FSD1L: variants seen among roughly 807,000 people sequenced by gnomAD.
The protein encoded by FSD1L is fibronectin type III and SPRY domain containing 1 like, also known as FSD1-like protein.
FSD1L carries 45 observed loss-of-function variants against 71.6 expected under a neutral mutation model. That is an observed-to-expected ratio of 0.63 (90% CI 0.49 to 0.81). The LOEUF (loss-of-function observed/expected upper bound fraction) is 0.81. Ranked by LOEUF, FSD1L falls within the 30% of genes least tolerant of loss-of-function variation. FSD1L has a pLI of 0.00. For synonymous variants in FSD1L, 197 were observed against 207.2 expected (o/e 0.95, Z 0.42); for missense variants, 561 against 618.1 (o/e 0.91, Z 0.98).
intron 10 of FSD1L, chr9:105,520,118 C>T: frequency 1.3e-6 from 2 of 1,593,028 alleles, no homozygotes; most frequent in Non-Finnish European, 1.7e-6. Flanking sequence ...GTGGCAGTGG[C>T]AGCGGCAGGA....
chr9:105,501,760 C>G (rs914769801), intron 7 of FSD1L, among the ~76,000 whole-genome samples: 3 of 152,052 alleles, frequency 2.0e-5, no homozygotes, highest in Non-Finnish European at 4.4e-5. Context: ...CATCTGTGTT[C>G]TTCTTATTGG....
At chr9:105,523,951 A>G in intron 10 of FSD1L, 1 of 1,590,722 alleles carries the variant, frequency 6.3e-7, no homozygotes, top group Non-Finnish European at 8.6e-7. Flanking sequence ...CCAAGAGTAG[A>G]AGCACAAGTT....
At position 105,529,533 on chromosome 9, in the gene FSD1L, A is replaced by G. The variant is rs182033859; in HGVS notation, c.1026-4960A>G. Among the ~76,000 whole-genome samples the G allele has an allele frequency of 6.8e-4, 103 of 152,292 alleles. 2 individuals are homozygous for G. The highest frequency in any genetic ancestry group is 1.1e-3 in the Admixed American group (17 of 15,286). ...AAACTATGACAAGAACAGAAAACCAAACGCCACGTGTTCTCACTCATAAGT... is the reference window on the plus strand; with the variant it reads ...AAACTATGACAAGAACAGAAAACCAGACGCCACGTGTTCTCACTCATAAGT... On this transcript the variant is annotated intron_variant, in intron 10 of 13. Transcript: ENST00000481272.
rs1830697632 is a variant in FSD1L at position 105,461,539 on chromosome 9, A to C, written c.35A>C (p.Glu12Ala). Residue 12 changes from glutamate to alanine, a missense_variant, in exon 2 of 14, where the codon GAA becomes GCA. Glu to Ala is a moderately radical substitution (Grantham distance 107). Transcript: ENST00000481272. ...DSQKYCFKENENVTVDKACFL... is the reference protein window; with the variant it reads ...DSQKYCFKENANVTVDKACFL... Reference sequence around the variant, plus strand: ...GGACAGTACTGCTTTAAGGAGAATGAAAACGTTACAGTTGATAAAGCCTGT... The same window carrying C: ...GGACAGTACTGCTTTAAGGAGAATGCAAACGTTACAGTTGATAAAGCCTGT... 6.4e-7 allele frequency: 1 copy of C among 1,550,758 alleles called. No homozygotes were observed. Among genetic ancestry groups the C allele is most frequent in the Non-Finnish European group, 8.7e-7 (1 of 1,146,052 alleles).
At chr9:105,496,021 C>G (rs145473434) in intron 7 of FSD1L, among the ~76,000 whole-genome samples, 6 of 150,860 alleles carry the variant, frequency 4.0e-5, no homozygotes, top group African/African-American at 1.2e-4. Flanking sequence ...TCAGATGTTT[C>G]TTTTGCAAAT....
At chr9:105,460,731 G>A (rs1361828465) in intron 1 of FSD1L, among the ~76,000 whole-genome samples, 3 of 152,060 alleles carry the variant, frequency 2.0e-5, no homozygotes, top group African/African-American at 7.2e-5. Flanking sequence ...TTGTCCTTAG[G>A]TGCAGTCTTG....
chr9:105,464,126 A>C, intron 2 of FSD1L, 110 bp from the exon 3 acceptor site: 1 of 626,306 alleles, frequency 1.6e-6, no homozygotes, highest in Non-Finnish European at 2.8e-6. Context: ...CATTGCTCCT[A>C]TTTGTTATAC....
At chr9:105,539,780 A>C (rs1836491212) in intron 13 of FSD1L, among the ~76,000 whole-genome samples, 1 of 152,106 alleles carries the variant, frequency 6.6e-6, no homozygotes, top group Non-Finnish European at 1.5e-5. Flanking sequence ...TTTTTGACTC[A>C]ACATTATGCT....
chr9:105,539,121 A>C, intron 12 of FSD1L, 142 bp from the exon 13 acceptor site: 1 of 543,906 alleles, frequency 1.8e-6, no homozygotes, highest in Non-Finnish European at 3.2e-6. Flanking sequence ...CTGATTTTCA[A>C]GTGAGAATAA....
chr9:105,484,607 GA>G, intron 7 of FSD1L, 105 bp downstream of exon 7: 3 of 654,192 alleles, frequency 4.6e-6, no homozygotes, highest in East Asian at 7.2e-5. Context: ...AGTATAGTGT[GA>G]TTTTTTTTTC....
Position 105,523,868 on chromosome 9 carries a change from T to A in FSD1L, c.1026-10625T>A, listed in dbSNP as rs926399439. 4.4e-6 allele frequency: 7 copies of A among 1,594,738 alleles called. No individual in the cohort carries two copies. The African/African-American group carries it at 9.4e-5, about 21-fold the overall frequency. Reference sequence around the variant, plus strand: ...CTCAATTTTTTTCACTTGGTTTGCCTGGTGCCACAATGCTTATTATGGATT... The same window carrying A: ...CTCAATTTTTTTCACTTGGTTTGCCAGGTGCCACAATGCTTATTATGGATT... On this transcript the variant is annotated intron_variant, in intron 10 of 13. Coordinates refer to ENST00000481272, the MANE Select transcript of FSD1L (RefSeq NM_001145313.3).
intron 1 of FSD1L, among the ~76,000 whole-genome samples, chr9:105,452,738 C>T (rs1257968593): frequency 2.7e-5 from 4 of 150,262 alleles, no homozygotes; most frequent in South Asian, 4.2e-4. Flanking sequence ...TTCCTCCTCT[C>T]CTCTCCTCTC....
chr9:105,507,952 C>T (rs984931529), intron 8 of FSD1L, among the ~76,000 whole-genome samples: 1 of 145,684 alleles, frequency 6.9e-6, no homozygotes, highest in African/African-American at 2.5e-5. Flanking sequence ...AGTGCAATTG[C>T]ACGATCTCGG....
Position 105,450,806 on chromosome 9 carries a change from C to G in FSD1L, c.15+2571C>G, listed in dbSNP as rs367793865. ...CCAGCCTTGGCCTCACAAAGCGCTG[C>G]GATTACAGGCTTGAGCCACTGTGCC... On this transcript the variant is annotated intron_variant, in intron 1 of 13. Coordinates refer to ENST00000481272, the MANE Select transcript of FSD1L (RefSeq NM_001145313.3). Among the ~76,000 whole-genome samples the G allele has an allele frequency of 6.1e-4, 92 of 152,030 alleles. 1 individual carries two copies. The South Asian group carries it at 0.019, about 31-fold the overall frequency.
At chr9:105,541,455 G>A (rs1461255476) in intron 13 of FSD1L, among the ~76,000 whole-genome samples, 1 of 151,716 alleles carries the variant, frequency 6.6e-6, no homozygotes, top group African/African-American at 2.4e-5. Flanking sequence ...CTTTTAATTT[G>A]AATCTATCTC....
intron 10 of FSD1L, among the ~76,000 whole-genome samples, chr9:105,519,816 GCGAGCGGCGGCCGCTGGAGA>G (rs1274363896): frequency 2.0e-5 from 3 of 152,120 alleles, no homozygotes; most frequent in African/African-American, 4.8e-5. Flanking sequence ...GCCTGTGGCG[GCGAGCGGCGGCCGCTGGAGA>G]CGAGCGGCGG....
intron 1 of FSD1L, among the ~76,000 whole-genome samples, chr9:105,451,160 C>T (rs1024291210): frequency 6.6e-6 from 1 of 152,122 alleles, no homozygotes; most frequent in Admixed American, 6.5e-5. Context: ...GGGGTTTCAT[C>T]ATGTTAGCCA....
chr9:105,445,252 C>A (rs1406000541), upstream of FSD1L, among the ~76,000 whole-genome samples: 2 of 152,036 alleles, frequency 1.3e-5, no homozygotes, highest in African/African-American at 4.8e-5. Flanking sequence ...AGCAAAAGGC[C>A]CAGGATGAGC....
intron 10 of FSD1L, chr9:105,521,537 T>C (rs1835155932): frequency 6.2e-7 from 1 of 1,613,874 alleles, no homozygotes; most frequent in East Asian, 2.2e-5. Context: ...AAGCAGCAGC[T>C]ATGAGAAAAG....
Sources: gnomAD v4.1 joint callset for allele counts (sites outside exome capture counted in the v4.1 genomes callset) on GRCh38, gnomAD v4.1.1 for gene constraint, MANE v1.5 for transcripts, NCBI Gene and HGNC (gene_info 2026-07-23, HGNC 2026-07-21) for gene names.